The following CASK variants were observed in gnomAD, a reference collection of about 807,000 sequenced individuals.
CASK encodes peripheral plasma membrane protein CASK.
A neutral mutation model predicts 82.9 loss-of-function variants in CASK; 4 were observed. The ratio of observed to expected loss-of-function variants is 0.05; its 90% CI spans 0.02 to 0.11. The LOEUF is 0.11. Ranked by LOEUF, CASK falls within the 10% of genes least tolerant of loss-of-function variation. The pLI is 1.00. For synonymous variants in CASK, 259 were observed against 253.5 expected, an observed-to-expected ratio of 1.02 and a Z score of -0.20; for missense variants, 358 against 720.9, an observed-to-expected ratio of 0.50 and a Z score of 5.76.
At chrX:41,603,749 A>C (rs1373286991) in intron 12 of CASK, among the ~76,000 whole-genome samples, 4 of 112,054 alleles carry the variant, frequency 3.6e-5, no homozygotes, top group African/African-American at 6.5e-5. Context: ...AGCAGTGCGT[A>C]ACAAATGCTA....
chrX:41,900,739 CTTTTT>C (rs759671263), intron 1 of CASK, among the ~76,000 whole-genome samples: 7,234 of 48,946 alleles, frequency 0.15, 250 homozygotes, highest in Middle Eastern at 0.29. Context: ...ATTTTGAAAT[CTTTTT>C]TTTTTTTTTT....
intron 2 of CASK, among the ~76,000 whole-genome samples, chrX:41,800,830 T>C (rs999561359): frequency 1.8e-5 from 2 of 111,723 alleles, no homozygotes; most frequent in Admixed American, 9.5e-5. Flanking sequence ...CAATTTTAAT[T>C]GGATCAGACT....
intron 1 of CASK, among the ~76,000 whole-genome samples, chrX:41,868,871 C>T (rs1355386377): frequency 9.0e-6 from 1 of 111,070 alleles, no homozygotes; most frequent in Non-Finnish European, 1.9e-5. Flanking sequence ...ATTACTTCTC[C>T]CCTAAAAAGT....
intron 2 of CASK, among the ~76,000 whole-genome samples, chrX:41,819,670 C>A (rs1431658585): frequency 9.0e-6 from 1 of 111,422 alleles, no homozygotes; most frequent in Non-Finnish European, 1.9e-5. Context: ...ACCATCATAA[C>A]CACTGATGCA....
chrX:41,747,256 T>C (rs762792472), intron 3 of CASK, among the ~76,000 whole-genome samples: 113 of 111,307 alleles, frequency 1.0e-3, no homozygotes, highest in Non-Finnish European at 1.1e-3. Context: ...ATAATGTTTA[T>C]AGTTGCCTAG....
intron 3 of CASK, among the ~76,000 whole-genome samples, chrX:41,753,610 G>A (rs749977682): frequency 2.8e-4 from 32 of 112,627 alleles, no homozygotes; most frequent in Admixed American, 1.6e-3. Context: ...TAAAGGCCAG[G>A]TGCAATGGCT....
intron 11 of CASK, among the ~76,000 whole-genome samples, chrX:41,613,590 C>A (rs1602350605): frequency 1.1e-5 from 1 of 88,266 alleles, no homozygotes; most frequent in Non-Finnish European, 2.2e-5. Flanking sequence ...GTGACCCTGC[C>A]AAATCCCCCT....
At chrX:41,851,245 T>C (rs765683381) in intron 2 of CASK, among the ~76,000 whole-genome samples, 1 of 111,159 alleles carries the variant, frequency 9.0e-6, no homozygotes, top group South Asian at 3.7e-4. Context: ...GGCTTAAGAG[T>C]ATGAGGGATC....
intron 1 of CASK, among the ~76,000 whole-genome samples, chrX:41,909,765 C>T (rs953513510): frequency 4.5e-5 from 5 of 111,327 alleles, no homozygotes; most frequent in Admixed American, 9.4e-5. Flanking sequence ...CCACCATGGC[C>T]GGCTAATTTT....
intron 10 of CASK, 92 bp downstream of exon 10, chrX:41,626,504 GATTTAACT>G (rs2066378259): frequency 1.8e-6 from 1 of 561,859 alleles, no homozygotes; most frequent in Non-Finnish European, 3.1e-6. Context: ...TCCGTTGGAG[GATTTAACT>G]AAATGCACAG....
chrX:41,887,296 CCA>C (rs3055225), intron 1 of CASK, among the ~76,000 whole-genome samples: 21,541 of 83,077 alleles, frequency 0.26, 2,510 homozygotes, highest in East Asian at 0.62. Context: ...CTAGTTGAGT[CCA>C]CACACACACA....
chrX:41,643,523 C>T (rs1602398214), intron 8 of CASK, among the ~76,000 whole-genome samples: 2 of 111,342 alleles, frequency 1.8e-5, no homozygotes, highest in South Asian at 3.8e-4. Context: ...GTATTTTATT[C>T]TCTTTGAAGC....
intron 15 of CASK, among the ~76,000 whole-genome samples, chrX:41,572,080 TCTTA>T (rs1444289370): frequency 1.8e-5 from 2 of 109,589 alleles, no homozygotes; most frequent in East Asian, 2.8e-4. Flanking sequence ...TTTTCTATCT[TCTTA>T]CTTTTTTTTT....
intron 2 of CASK, among the ~76,000 whole-genome samples, chrX:41,792,922 C>G (rs1442988569): frequency 1.8e-5 from 2 of 111,529 alleles, no homozygotes; most frequent in Non-Finnish European, 3.8e-5. Context: ...TGGTGCCACT[C>G]TAGATAAGTT....
intron 1 of CASK, among the ~76,000 whole-genome samples, chrX:41,872,474 A>T (rs981305100): frequency 8.9e-6 from 1 of 111,874 alleles, no homozygotes; most frequent in Admixed American, 9.5e-5. Context: ...CAGTTATCTT[A>T]TACCTTACTA....
chrX:41,554,404 T>C (rs1011650562), intron 20 of CASK, among the ~76,000 whole-genome samples: 1 of 112,057 alleles, frequency 8.9e-6, no homozygotes, highest in African/African-American at 3.2e-5. Flanking sequence ...GTAGAATGCT[T>C]ATATGACAAC....
intron 6 of CASK, among the ~76,000 whole-genome samples, chrX:41,667,055 C>T (rs763405709): frequency 9.0e-6 from 1 of 111,303 alleles, no homozygotes; most frequent in Admixed American, 9.6e-5. Context: ...ACTTCCTGGG[C>T]CAAGCCACTC....
At chrX:41,602,598 C>A (rs1376372081) in intron 12 of CASK, among the ~76,000 whole-genome samples, 1 of 110,512 alleles carries the variant, frequency 9.0e-6, no homozygotes, top group Non-Finnish European at 1.9e-5. Flanking sequence ...CTTGTCTTAG[C>A]TGCACTGGCC....
intron 2 of CASK, among the ~76,000 whole-genome samples, chrX:41,807,441 G>A (rs1364020838): frequency 9.0e-6 from 1 of 111,639 alleles, no homozygotes; most frequent in Non-Finnish European, 1.9e-5. Flanking sequence ...AAAGACTGCT[G>A]TACAAAACCT....
Sources: gnomAD v4.1 joint callset for allele counts (sites outside exome capture counted in the v4.1 genomes callset) on GRCh38, gnomAD v4.1.1 for gene constraint, MANE v1.5 for transcripts, NCBI Gene and HGNC (gene_info 2026-07-23, HGNC 2026-07-21) for gene names.